The following ANKRD45 variants were observed in gnomAD, a reference collection of about 807,000 sequenced individuals.
ANKRD45 encodes the protein ankyrin repeat domain-containing protein 45.
A neutral mutation model predicts 28.1 loss-of-function variants in ANKRD45; 21 were observed. The ratio of observed to expected loss-of-function variants is 0.75; its 90% CI spans 0.53 to 1.08. The LOEUF (loss-of-function observed/expected upper bound fraction) is 1.08, where lower values mean the gene tolerates loss of function less well. ANKRD45 is among the 50% of genes least tolerant of loss of function. ANKRD45 has a pLI of 0.00. For missense variants in ANKRD45, 261 were observed against 308.7 expected (o/e 0.85, Z 1.16); for synonymous variants, 86 against 103.9 (o/e 0.83, Z 1.05).
chr1:173,676,604 A>G, the ANKRD45 span, among the ~76,000 whole-genome samples: 3 of 152,084 alleles, frequency 2.0e-5, no homozygotes, highest in Non-Finnish European at 4.4e-5. Flanking sequence ...GTTAGAGTTT[A>G]TAGCTGATTA....
chr1:173,682,806 T>A, the ANKRD45 span, among the ~76,000 whole-genome samples: 1 of 152,264 alleles, frequency 6.6e-6, no homozygotes, highest in Non-Finnish European at 1.5e-5. Flanking sequence ...CGTTACCATA[T>A]TTCAACTAGG....
chr1:173,631,974 AAAAT>A (rs1558126172), intron 3 of ANKRD45, among the ~76,000 whole-genome samples: 1 of 152,012 alleles, frequency 6.6e-6, no homozygotes, highest in Non-Finnish European at 1.5e-5. Context: ...TTAGTAGAAG[AAAAT>A]AAATAAAAAA....
intron 2 of ANKRD45, among the ~76,000 whole-genome samples, chr1:173,652,537 G>C (rs1669281496): frequency 6.6e-6 from 1 of 152,114 alleles, no homozygotes; most frequent in Non-Finnish European, 1.5e-5. Flanking sequence ...TGTTCATCAG[G>C]GATATTGGTC....
intron 1 of ANKRD45, among the ~76,000 whole-genome samples, chr1:173,668,625 G>A (rs1670122786): frequency 6.6e-6 from 1 of 152,138 alleles, no homozygotes; most frequent in African/African-American, 2.4e-5. Context: ...TTGTATATAA[G>A]AGAAATTAAA....
chr1:173,677,734 AGC>A, the ANKRD45 span, among the ~76,000 whole-genome samples: 1 of 152,232 alleles, frequency 6.6e-6, no homozygotes, highest in Non-Finnish European at 1.5e-5. Context: ...GTACTTTAAA[AGC>A]ACATACAGAA....
At chr1:173,713,404 T>C in the ANKRD45 span, among the ~76,000 whole-genome samples, 1 of 152,154 alleles carries the variant, frequency 6.6e-6, no homozygotes, top group Non-Finnish European at 1.5e-5. Flanking sequence ...TTTAATAGTT[T>C]AAATAATTAC....
At chr1:173,640,943 C>T (rs948887078) in intron 3 of ANKRD45, among the ~76,000 whole-genome samples, 8 of 152,214 alleles carry the variant, frequency 5.3e-5, no homozygotes, top group African/African-American at 1.9e-4. Context: ...TCTCTCACCA[C>T]CTCCACCTTA....
In ANKRD45 at chr1:173,613,647, A is replaced by T. The variant is rs535688849; in HGVS notation, c.731-3432T>A. The stretch of plus-strand genomic sequence containing the variant: ...CCAGCTGCCCCGTCCGGGAGGGAGG[A>T]GGGGGGTCAGCCCCCGCCTGGCCGC... On this transcript the variant is annotated intron_variant, in intron 5 of 5. Coordinates refer to ENST00000333279, the MANE Select transcript of ANKRD45 (RefSeq NM_198493.3). 5.0e-4 allele frequency among the ~76,000 whole-genome samples: 59 copies of T among 118,722 alleles called. 1 individual carries two copies. In the South Asian group the frequency reaches 0.014, roughly 29 times the overall value. 77.9% of individuals were successfully genotyped at this position (118,722 alleles called of 152,430 possible). A position where few individuals can be genotyped will look rare whatever the true frequency, so the allele number is the denominator to read the frequency against.
intron 2 of ANKRD45, among the ~76,000 whole-genome samples, chr1:173,656,481 A>T (rs185815066): frequency 9.4e-4 from 143 of 152,316 alleles, no homozygotes; most frequent in Middle Eastern, 3.4e-3. Context: ...CTTATACTCT[A>T]ATCTTTATAT....
chr1:173,703,092 G>A, the ANKRD45 span, among the ~76,000 whole-genome samples: 33 of 151,972 alleles, frequency 2.2e-4, no homozygotes, highest in Non-Finnish European at 4.3e-4. Flanking sequence ...CTAGAGTACA[G>A]TAGCATGATC....
the ANKRD45 span, among the ~76,000 whole-genome samples, chr1:173,709,647 T>C: frequency 2.0e-5 from 3 of 152,038 alleles, no homozygotes; most frequent in South Asian, 6.2e-4. Flanking sequence ...TTTTTTTTTC[T>C]TTTAGACAGG....
chr1:173,681,476 G>C, the ANKRD45 span, among the ~76,000 whole-genome samples: 2 of 152,188 alleles, frequency 1.3e-5, no homozygotes, highest in Admixed American at 1.3e-4. Flanking sequence ...GCCGATTAGA[G>C]CTCTTTTGTA....
upstream of ANKRD45, among the ~76,000 whole-genome samples, chr1:173,674,093 C>G (rs1304559683): frequency 1.3e-5 from 2 of 152,122 alleles, no homozygotes; most frequent in African/African-American, 4.8e-5. Flanking sequence ...ACTGTAGCCT[C>G]ATTCTCCCCA....
chr1:173,682,960 G>A, the ANKRD45 span, among the ~76,000 whole-genome samples: 91 of 149,514 alleles, frequency 6.1e-4, no homozygotes, highest in African/African-American at 2.1e-3. Context: ...TCTTTTTCGG[G>A]CCATTTTTCT....
Position 173,624,788 on chromosome 1 carries a change from T to C in ANKRD45, c.729A>G (p.Pro243=), listed in dbSNP as rs772149706. Residue 243 remains proline (P), a splice_region_variant and synonymous_variant, in exon 5 of 6, where the codon CCA becomes CCG. Transcript: ENST00000333279. ...AACCACCTTTTATCCAAAACTTACA[T>C]GGTGTAGTCATTTTTGTGAAGATAG... ...VTPIFTKMTT[P]CQVKSAKSVT... 6 of 1,611,590 alleles carry C rather than the reference T, an allele frequency of 3.7e-6. No individual in the cohort carries two copies. In the Admixed American group the frequency reaches 6.7e-5, roughly 18 times the overall value.
the ANKRD45 span, among the ~76,000 whole-genome samples, chr1:173,699,256 G>C: frequency 3.3e-5 from 5 of 152,074 alleles, no homozygotes; most frequent in Non-Finnish European, 5.9e-5. Flanking sequence ...AAGAGGAACT[G>C]GTACAATTCC....
At chr1:173,709,018 G>C in the ANKRD45 span, among the ~76,000 whole-genome samples, 70 of 152,326 alleles carry the variant, frequency 4.6e-4, 1 homozygote, top group South Asian at 0.014. Flanking sequence ...CTCTGTTCCT[G>C]AACTTTCCAA....
chr1:173,635,756 A>G (rs1292793178), intron 3 of ANKRD45: 2 of 1,535,390 alleles, frequency 1.3e-6, no homozygotes, highest in Non-Finnish European at 1.7e-6. Context: ...TTTATATCTC[A>G]TTTATAATTT....
the ANKRD45 span, among the ~76,000 whole-genome samples, chr1:173,697,051 G>A: frequency 1.3e-5 from 2 of 152,118 alleles, no homozygotes; most frequent in Non-Finnish European, 2.9e-5. Context: ...TCGATCAAGT[G>A]GAAGAAAGGG....
Sources: gnomAD v4.1 joint callset for allele counts (sites outside exome capture counted in the v4.1 genomes callset) on GRCh38, gnomAD v4.1.1 for gene constraint, MANE v1.5 for transcripts, NCBI Gene and HGNC (gene_info 2026-07-23, HGNC 2026-07-21) for gene names.